REPS1: variants seen among roughly 807,000 people sequenced by gnomAD.
The protein encoded by REPS1 is ralBP1-associated Eps domain-containing protein 1.
REPS1 carries 39 observed loss-of-function variants against 100.9 expected under a neutral mutation model. That is an observed-to-expected ratio of 0.39 (90% CI 0.30 to 0.50). The LOEUF is 0.50. REPS1 is among the 20% of genes least tolerant of loss of function. The pLI is 0.86. For missense variants in REPS1, 821 were observed against 968.5 expected (o/e 0.85, Z 2.02); for synonymous variants, 324 against 340.3 (o/e 0.95, Z 0.53).
intron 9 of REPS1, 43 bp downstream of exon 9, chr6:138,929,929 CCTTAA>C (rs1562527506): frequency 6.2e-7 from 1 of 1,601,458 alleles, no homozygotes; most frequent in Non-Finnish European, 8.5e-7. Flanking sequence ...GAACATCTTA[CCTTAA>C]AAGAGTTAAC....
chr6:138,914,604 T>C (rs1256321568), intron 15 of REPS1, 93 bp downstream of exon 15: 7 of 1,004,292 alleles, frequency 7.0e-6, no homozygotes, highest in Non-Finnish European at 9.5e-6. Context: ...AACAGATCAT[T>C]CCTGACCTTC....
chr6:138,914,888 A>C, intron 14 of REPS1, 127 bp from the exon 15 acceptor site: 1 of 794,612 alleles, frequency 1.3e-6, no homozygotes, highest in East Asian at 2.7e-5. Flanking sequence ...ATTAGAAGGC[A>C]AGTACTAACT....
intron 1 of REPS1, among the ~76,000 whole-genome samples, chr6:138,981,269 G>T (rs1218422197): frequency 1.3e-5 from 2 of 152,140 alleles, no homozygotes; most frequent in Non-Finnish European, 2.9e-5. Flanking sequence ...AAATGCAGAA[G>T]AGATGTAGTA....
chr6:138,941,516 A>G, intron 7 of REPS1, 27 bp from the exon 8 acceptor site: 1 of 1,597,948 alleles, frequency 6.3e-7, no homozygotes, highest in East Asian at 2.2e-5. Flanking sequence ...TTGTGAATAT[A>G]ATCACATTCC....
intron 7 of REPS1, among the ~76,000 whole-genome samples, chr6:138,942,892 T>A (rs967850344): frequency 6.6e-6 from 1 of 151,654 alleles, no homozygotes; most frequent in African/African-American, 2.4e-5. Context: ...GTAGTTGGGA[T>A]TACAGGCATG....
intron 1 of REPS1, among the ~76,000 whole-genome samples, chr6:138,972,535 G>A (rs1784394313): frequency 6.6e-6 from 1 of 152,082 alleles, no homozygotes; most frequent in Non-Finnish European, 1.5e-5. Flanking sequence ...TAAATTAAAT[G>A]AGAAACTCCA....
chr6:138,935,638 G>A (rs546635235), intron 8 of REPS1, among the ~76,000 whole-genome samples: 10 of 152,012 alleles, frequency 6.6e-5, no homozygotes, highest in Non-Finnish European at 1.3e-4. Flanking sequence ...GGCGCTTCAC[G>A]AGGTCAGAAG....
intron 10 of REPS1, among the ~76,000 whole-genome samples, chr6:138,921,601 G>T (rs1312861646): frequency 1.7e-5 from 2 of 117,700 alleles, no homozygotes; most frequent in Non-Finnish European, 3.4e-5. Flanking sequence ...TTTTGAGATG[G>T]AGTCTCGCTC....
At chr6:138,939,325 A>T (rs1027399810) in intron 8 of REPS1, among the ~76,000 whole-genome samples, 2 of 152,214 alleles carry the variant, frequency 1.3e-5, no homozygotes, top group Non-Finnish European at 2.9e-5. Context: ...TTATATTTAG[A>T]GCAACAGTGC....
At chr6:138,946,341 A>G (rs950463513) in intron 2 of REPS1, among the ~76,000 whole-genome samples, 1 of 152,196 alleles carries the variant, frequency 6.6e-6, no homozygotes, top group Admixed American at 6.5e-5. Context: ...TCTACATTCA[A>G]TTTTAAATAG....
chr6:138,980,282 C>T (rs1308383979), intron 1 of REPS1, among the ~76,000 whole-genome samples: 1 of 152,172 alleles, frequency 6.6e-6, no homozygotes, highest in African/African-American at 2.4e-5. Flanking sequence ...CTTCCACTTG[C>T]CCCCAGTATT....
chr6:138,976,352 G>A (rs747135445), intron 1 of REPS1, among the ~76,000 whole-genome samples: 1 of 152,172 alleles, frequency 6.6e-6, no homozygotes, highest in Non-Finnish European at 1.5e-5. Context: ...TGAGGATTGG[G>A]ACCAAGATCT....
In REPS1 at chr6:138,920,274, T is replaced by C; in HGVS notation, c.1469A>G (p.Asp490Gly). 1 of 1,604,296 alleles carries C rather than the reference T, an allele frequency of 6.2e-7. No homozygotes were observed. The highest frequency in any genetic ancestry group is 1.1e-5 in the South Asian group (1 of 90,852). ...ATTTATCTTATTTTCTTCTAAAAGGTCAGATGGTTTCACAAGTAATGGGCT... is the reference window on the plus strand; with the variant it reads ...ATTTATCTTATTTTCTTCTAAAAGGCCAGATGGTTTCACAAGTAATGGGCT... ...PTSPLLVKPS[D>G]LLEENKINSS... The change falls in exon 12 of 20, where the codon GAC becomes GGC. Residue 490 changes from aspartate to glycine, a missense_variant. Asp to Gly is a moderately conservative substitution (Grantham distance 94). Transcript: ENST00000450536.
In REPS1 at chr6:138,960,457, C is replaced by T. The variant is rs142627859; in HGVS notation, c.154-12544G>A. 3.3e-5 allele frequency among the ~76,000 whole-genome samples: 5 copies of T among 151,668 alleles called. No individual in the cohort carries two copies. In the East Asian group the frequency reaches 9.7e-4, roughly 29 times the overall value. On this transcript the variant is annotated intron_variant, in intron 1 of 19. Transcript: ENST00000450536. The stretch of plus-strand genomic sequence containing the variant: ...ATGTAAAACAACAATAATCCTATCA[C>T]ATATAACACAGTTTTATACAAATAA...
Position 138,941,453 on chromosome 6 carries a change from T to G in REPS1, c.1017A>C (p.Thr339=). 6.2e-7 allele frequency: 1 copy of G among 1,614,020 alleles called. No individual in the cohort carries two copies. Residue 339 remains threonine, a synonymous_variant, in exon 8 of 20, where the codon ACA becomes ACC. Transcript: ENST00000450536. ...LSDFDKDGAL[T]LDEFCAAFHL... is the part of the protein sequence containing the mutation. The stretch of plus-strand genomic sequence containing the variant: ...GAAAAGCAGCACAAAACTCATCCAG[T>G]GTCAATGCACCATCTTTATCAAAGT...
chr6:138,961,425 G>C (rs960244586), intron 1 of REPS1, among the ~76,000 whole-genome samples: 4 of 152,018 alleles, frequency 2.6e-5, no homozygotes, highest in African/African-American at 9.7e-5. Context: ...TTTTAGTAGA[G>C]ACGGGGATCC....
chr6:138,967,748 A>T (rs1297455763), intron 1 of REPS1, among the ~76,000 whole-genome samples: 4 of 152,196 alleles, frequency 2.6e-5, no homozygotes, highest in African/African-American at 9.7e-5. Flanking sequence ...GAGCCTCAGG[A>T]TCTCCAAAAA....
intron 17 of REPS1, among the ~76,000 whole-genome samples, chr6:138,909,376 C>T (rs1181713396): frequency 6.6e-6 from 1 of 152,168 alleles, no homozygotes; most frequent in East Asian, 1.9e-4. Context: ...TTGGCATTTA[C>T]CATAACTTGA....
At position 138,944,564 on chromosome 6, in the gene REPS1, G is replaced by C. The variant is rs1156268009; in HGVS notation, c.687C>G (p.Asn229Lys). The change falls in exon 5 of 20, where the codon AAC becomes AAG. Residue 229 changes from asparagine to lysine, a missense_variant. Physicochemically the swap from Asn to Lys is moderately conservative, Grantham distance 94. Transcript: ENST00000450536. ...SGHSPPPPQE[N>K]WVSFADTPPT... is the part of the protein sequence containing the mutation. ...GTGGAGTATCTGCAAAACTGACCCA[G>C]TTTTCTTGAGGTGGAGGTGGGGAAT... 3.7e-6 allele frequency: 6 copies of C among 1,614,010 alleles called. No homozygotes were observed. Among genetic ancestry groups the C allele is most frequent in the Non-Finnish European group, 5.1e-6 (6 of 1,179,912 alleles).
Sources: gnomAD v4.1 joint callset for allele counts (sites outside exome capture counted in the v4.1 genomes callset) on GRCh38, gnomAD v4.1.1 for gene constraint, MANE v1.5 for transcripts, NCBI Gene and HGNC (gene_info 2026-07-23, HGNC 2026-07-21) for gene names.